The following IFNGR1 variants were observed in gnomAD, a reference collection of about 807,000 sequenced individuals.
IFNGR1 encodes the protein AVP, type 2.
IFNGR1 carries 23 observed loss-of-function variants against 35.4 expected under a neutral mutation model. The observed-to-expected ratio is 0.65, with a 90% CI of 0.47 to 0.92. The LOEUF is 0.92. Among genes scored for constraint, IFNGR1 ranks in the 40% least tolerant of loss-of-function variants. The probability of loss-of-function intolerance (pLI) is 0.00; values close to 1 mark genes in which losing one functional copy is unlikely to be tolerated. For missense variants in IFNGR1, 533 were observed against 583.4 expected, an observed-to-expected ratio of 0.91 and a Z score of 0.89; for synonymous variants, 199 against 209.5, an observed-to-expected ratio of 0.95 and a Z score of 0.43.
chr6:137,211,502 C>T lies in IFNGR1; in HGVS notation c.86-4425G>A, dbSNP rs560498570. ...CAAATACTTCATACTACTAACTTGA[C>T]CTTTTTGTGGCCAGTGACCAGACAC... is the stretch of plus-strand genomic sequence containing the variant. On this transcript the variant is annotated intron_variant, in intron 1 of 6. Transcript: ENST00000367739. 1.6e-3 allele frequency among the ~76,000 whole-genome samples: 245 copies of T among 152,290 alleles called. 1 individual carries two copies. The highest frequency in any genetic ancestry group is 3.1e-3 in the Non-Finnish European group (211 of 68,040).
intron 1 of IFNGR1, among the ~76,000 whole-genome samples, chr6:137,211,133 C>G (rs1349979397): frequency 1.3e-5 from 2 of 152,086 alleles, no homozygotes; most frequent in African/African-American, 4.8e-5. Context: ...GGAGGTACTG[C>G]TGGCATCTAG....
intron 1 of IFNGR1, 23 bp from the exon 2 acceptor site, chr6:137,207,100 A>C: frequency 6.2e-7 from 1 of 1,613,214 alleles, no homozygotes; most frequent in Non-Finnish European, 8.5e-7. Context: ...AAAAAAGTAA[A>C]AGGGACAATT....
At chr6:137,205,081 G>GC (rs1562286186) in intron 3 of IFNGR1, among the ~76,000 whole-genome samples, 1 of 152,166 alleles carries the variant, frequency 6.6e-6, no homozygotes, top group Non-Finnish European at 1.5e-5. Flanking sequence ...TATCCTCAGG[G>GC]CCCAGTATAC....
At chr6:137,206,870 C>G in intron 2 of IFNGR1, 93 bp downstream of exon 2, 1 of 959,412 alleles carries the variant, frequency 1.0e-6, no homozygotes, top group Non-Finnish European at 1.6e-6. Flanking sequence ...TGTTTTGCCA[C>G]GTGGGAAGGC....
intron 1 of IFNGR1, among the ~76,000 whole-genome samples, chr6:137,207,604 C>G (rs1430606507): frequency 6.6e-6 from 1 of 152,114 alleles, no homozygotes; most frequent in Non-Finnish European, 1.5e-5. Flanking sequence ...GAATAAGTCT[C>G]ATGAGATATG....
chr6:137,202,602 TACACACACACACACACACACACAC>T (rs3839519), intron 5 of IFNGR1, among the ~76,000 whole-genome samples: 1 of 142,084 alleles, frequency 7.0e-6, no homozygotes, highest in Non-Finnish European at 1.5e-5. Context: ...AATATATGTA[TACACACACACACACACACACACAC>T]ACACACACAC....
intron 1 of IFNGR1, among the ~76,000 whole-genome samples, chr6:137,210,303 GA>G (rs767508687): frequency 0.017 from 2,225 of 133,734 alleles, 29 homozygotes; most frequent in Non-Finnish European, 0.026. Context: ...AGTTCTCTTA[GA>G]AAAAAAAAAA....
rs768445298 is a variant in IFNGR1, at chr6:137,198,203, T to G, written c.1298A>C (p.Asn433Thr). The change falls in exon 7 of 7, where the codon AAT (asparagine) becomes ACT (threonine). Residue 433 changes from asparagine (N) to threonine (T), a missense_variant. Physicochemically the swap from Asn to Thr is moderately conservative, Grantham distance 65. Transcript: ENST00000367739. ...SSLSDSEFPP[N>T]NKGEIKTEGQ... ...TTCTGTTTTTATTTCACCTTTATTA[T>G]TTGGGGGAAATTCTGAGTCAGATAA... 1 of 1,614,082 alleles carries G rather than the reference T, an allele frequency of 6.2e-7. No homozygotes were observed. The highest frequency in any genetic ancestry group is 1.1e-5 in the South Asian group (1 of 91,078).
intron 1 of IFNGR1, 36 bp downstream of exon 1, chr6:137,219,207 C>G: frequency 6.3e-7 from 1 of 1,580,638 alleles, no homozygotes; most frequent in Non-Finnish European, 8.6e-7. Flanking sequence ...CCCTCTCGTC[C>G]CGACCCGGCC....
At chr6:137,215,489 C>T in intron 1 of IFNGR1, 1 of 566,684 alleles carries the variant, frequency 1.8e-6, no homozygotes, top group Non-Finnish European at 2.8e-6. Flanking sequence ...AAAATAAAGG[C>T]ACCCCTTTAA....
Position 137,207,620 on chromosome 6 carries a change from T to C in IFNGR1, c.86-543A>G, listed in dbSNP as rs59768108. Among the ~76,000 whole-genome samples the C allele has an allele frequency of 5.3e-5, 8 of 152,144 alleles. No individual in the cohort carries two copies. In the East Asian group the frequency reaches 1.5e-3, roughly 29 times the overall value. Reference sequence around the variant, plus strand: ...AATAAGTCTCATGAGATATGATGGGTTTATTGGGGCTTCTGCTTTTTGCTT... The same window carrying C: ...AATAAGTCTCATGAGATATGATGGGCTTATTGGGGCTTCTGCTTTTTGCTT... On this transcript the variant is annotated intron_variant, in intron 1 of 6. Coordinates refer to ENST00000367739, the MANE Select transcript of IFNGR1 (RefSeq NM_000416.3).
intron 1 of IFNGR1, among the ~76,000 whole-genome samples, chr6:137,211,914 A>T (rs1016636930): frequency 2.0e-5 from 3 of 152,198 alleles, no homozygotes; most frequent in African/African-American, 4.8e-5. Context: ...GAAAACTCAT[A>T]CTAAATCTGA....
chr6:137,200,908 T>C lies in IFNGR1; in HGVS notation c.834A>G (p.Glu278=), dbSNP rs1779261979. The stretch of plus-strand genomic sequence containing the variant: ...AGGACTTGGGTAATATTATGCTTTT[T>C]TCCTTCAATGGATTAATTTTCTTAA... ...FYIKKINPLK[E]KSIILPKSLI... Residue 278 remains glutamate (E), a synonymous_variant, in exon 6 of 7, where the codon GAA becomes GAG. Coordinates refer to ENST00000367739, the MANE Select transcript of IFNGR1 (RefSeq NM_000416.3). 6.2e-7 allele frequency: 1 copy of C among 1,603,310 alleles called. No individual in the cohort carries two copies. The highest frequency in any genetic ancestry group is 8.5e-7 in the Non-Finnish European group (1 of 1,171,454).
chr6:137,205,196 G>C (rs1194852868), intron 3 of IFNGR1, among the ~76,000 whole-genome samples: 1 of 152,158 alleles, frequency 6.6e-6, no homozygotes, highest in African/African-American at 2.4e-5. Context: ...GGGAAGAAAA[G>C]TATTTAAAGG....
intron 5 of IFNGR1, among the ~76,000 whole-genome samples, chr6:137,202,600 T>TAC (rs1491444766): frequency 5.0e-4 from 52 of 104,440 alleles, no homozygotes; most frequent in Admixed American, 4.7e-3. Context: ...AAAATATATG[T>TAC]ATACACACAC....
Position 137,198,466 on chromosome 6 carries a change from A to G in IFNGR1, c.1035T>C (p.His345=). ...HTEDNPGKVE[H]TEELSSITEV... The stretch of plus-strand genomic sequence containing the variant: ...CTGTTATACTAGAAAGTTCTTCTGT[A>G]TGTTCCACTTTTCCTGGATTGTCTT... The change falls in exon 7 of 7, where the codon CAT becomes CAC. Residue 345 remains histidine, a synonymous_variant. Coordinates refer to ENST00000367739, the MANE Select transcript of IFNGR1 (RefSeq NM_000416.3). 6.2e-7 allele frequency: 1 copy of G among 1,614,174 alleles called. No individual in the cohort carries two copies. Among genetic ancestry groups the G allele is most frequent in the Non-Finnish European group, 8.5e-7 (1 of 1,180,030 alleles).
intron 1 of IFNGR1, among the ~76,000 whole-genome samples, chr6:137,207,835 T>C (rs1406595926): frequency 2.0e-5 from 3 of 152,146 alleles, no homozygotes; most frequent in Admixed American, 2.0e-4. Flanking sequence ...GAGTGGGGCA[T>C]TGCTGAAAAG....
intron 1 of IFNGR1, among the ~76,000 whole-genome samples, chr6:137,216,196 A>G (rs908996925): frequency 6.6e-6 from 1 of 152,254 alleles, no homozygotes; most frequent in Non-Finnish European, 1.5e-5. Context: ...CAGTACTCAG[A>G]GCTTTATCCT....
At chr6:137,216,477 T>G (rs897654285) in intron 1 of IFNGR1, among the ~76,000 whole-genome samples, 1 of 152,228 alleles carries the variant, frequency 6.6e-6, no homozygotes, top group Non-Finnish European at 1.5e-5. Flanking sequence ...AGCCCATGAA[T>G]GTAACACAAT....
Sources: allele counts gnomAD v4.1 joint callset (sites outside exome capture counted in the v4.1 genomes callset), GRCh38; gene constraint gnomAD v4.1.1; transcripts MANE v1.5; gene names NCBI Gene and HGNC (gene_info 2026-07-23, HGNC 2026-07-21).